Variants in FKBP5 observed in about 807,000 individuals in gnomAD.
FKBP5 encodes the protein FKBP prolyl isomerase 5.
Under a neutral mutation model 50.5 loss-of-function variants are expected in FKBP5, and 23 were observed. The ratio of observed to expected loss-of-function variants is 0.46; its 90% confidence interval spans 0.33 to 0.65. FKBP5 has a LOEUF of 0.65. Among genes scored for constraint, FKBP5 ranks in the 30% least tolerant of loss-of-function variants. The pLI, the probability that FKBP5 is intolerant of heterozygous loss-of-function variation, is 0.02. For synonymous variants in FKBP5, 176 were observed against 190.6 expected (o/e 0.92, Z 0.63); for missense variants, 411 against 553.1 (o/e 0.74, Z 2.58).
chr6:35,616,145 T>C (rs1446095740), intron 5 of FKBP5, among the ~76,000 whole-genome samples: 2 of 151,842 alleles, frequency 1.3e-5, no homozygotes, highest in Non-Finnish European at 2.9e-5. Context: ...AGAAACCCTG[T>C]CTCTAATAAA....
rs548266503 is a variant in FKBP5 at position 35,594,390 on chromosome 6, T to A, written c.665+2858A>T. Among the ~76,000 whole-genome samples, 12 of 152,084 alleles carry A rather than the reference T, an allele frequency of 7.9e-5. No homozygotes were observed. In the East Asian group the frequency reaches 2.3e-3, roughly 29 times the overall value. ...AGAAAACATTCTTCCCGAGAGTCTA[T>A]CAGAGTATCAGAGTCACAGAGAAGG... On this transcript the variant is annotated intron_variant, in intron 6 of 10. Transcript: ENST00000357266.
chr6:35,587,257 A>C, intron 7 of FKBP5, 140 bp from the exon 8 acceptor site: 1 of 741,860 alleles, frequency 1.3e-6, no homozygotes, highest in East Asian at 2.5e-5. Context: ...TGTCAGTGCC[A>C]ATTTACTGCT....
intron 3 of FKBP5, among the ~76,000 whole-genome samples, chr6:35,622,885 G>T (rs1490753220): frequency 6.6e-6 from 1 of 152,144 alleles, no homozygotes; most frequent in African/African-American, 2.4e-5. Context: ...TCTGTGCTTA[G>T]TCTCCTCACC....
intron 3 of FKBP5, among the ~76,000 whole-genome samples, chr6:35,621,582 C>T (rs1763842581): frequency 6.7e-6 from 1 of 149,168 alleles, no homozygotes; most frequent in Non-Finnish European, 1.5e-5. Context: ...CATGCCACTG[C>T]ACTCCAGCCT....
chr6:35,642,677 G>T, intron 2 of FKBP5, 43 bp downstream of exon 2: 1 of 1,479,966 alleles, frequency 6.8e-7, no homozygotes, highest in South Asian at 1.2e-5. Flanking sequence ...AATCTTTCCA[G>T]ACAGCAGGTT....
intron 1 of FKBP5, among the ~76,000 whole-genome samples, chr6:35,676,119 G>A (rs1042713541): frequency 6.6e-5 from 10 of 152,160 alleles, no homozygotes; most frequent in African/African-American, 2.4e-4. Flanking sequence ...TGACGTCATA[G>A]TGTAAAGCAA....
At chr6:35,631,788 C>G (rs555872970) in intron 3 of FKBP5, among the ~76,000 whole-genome samples, 1 of 152,028 alleles carries the variant, frequency 6.6e-6, no homozygotes. Context: ...AACCCCATCT[C>G]TACTAAAAAT....
At position 35,588,464 on chromosome 6, in the gene FKBP5, C is replaced by CAAAG. The variant is rs1433263777; in HGVS notation, c.757-1351_757-1348dup. On this transcript the variant is annotated intron_variant, in intron 7 of 10. Transcript: ENST00000357266. ...GGTTTTAGCACCCAAAAAACAAAAA[C>CAAAG]AAAGAACACCTAGTTAATAAGTCTC... 3.9e-5 allele frequency among the ~76,000 whole-genome samples: 6 copies of CAAAG among 152,240 alleles called. 1 individual carries two copies. In the South Asian group the frequency reaches 8.3e-4, roughly 21 times the overall value.
At chr6:35,669,287 C>T (rs1302872303) in intron 1 of FKBP5, among the ~76,000 whole-genome samples, 1 of 152,172 alleles carries the variant, frequency 6.6e-6, no homozygotes, top group African/African-American at 2.4e-5. Context: ...ATTGATGTGC[C>T]AGCTGTTTTG....
intron 8 of FKBP5, chr6:35,581,725 G>T: frequency 1.0e-6 from 1 of 985,456 alleles, no homozygotes; most frequent in South Asian, 4.7e-5. Flanking sequence ...TACAAGTGGG[G>T]ATTCTCCTTT....
intron 2 of FKBP5, among the ~76,000 whole-genome samples, chr6:35,698,343 AAAAT>A (rs1316331585): frequency 3.3e-5 from 5 of 151,686 alleles, no homozygotes; most frequent in African/African-American, 9.7e-5. Context: ...ACTCCATCTT[AAAAT>A]AAATAAATAA....
At chr6:35,614,500 AGT>A (rs1763584393) in intron 5 of FKBP5, among the ~76,000 whole-genome samples, 6 of 152,142 alleles carry the variant, frequency 3.9e-5, no homozygotes, top group African/African-American at 1.4e-4. Flanking sequence ...GTTACAATTG[AGT>A]AACATAATCA....
At chr6:35,669,182 G>A (rs903142243) in intron 1 of FKBP5, among the ~76,000 whole-genome samples, 8 of 152,080 alleles carry the variant, frequency 5.3e-5, no homozygotes, top group Admixed American at 6.5e-5. Context: ...ACTGAAATAG[G>A]CTATCCTGTA....
At chr6:35,695,869 G>T (rs1230045693) in intron 2 of FKBP5, among the ~76,000 whole-genome samples, 3 of 152,136 alleles carry the variant, frequency 2.0e-5, no homozygotes, top group African/African-American at 7.2e-5. Context: ...TTTAGGCCGG[G>T]CGTGGTGGCT....
Position 35,655,975 on chromosome 6 carries a change from C to T in FKBP5, c.-19-13132G>A, listed in dbSNP as rs1313167020. 2.6e-5 allele frequency among the ~76,000 whole-genome samples: 4 copies of T among 152,144 alleles called. No homozygotes were observed. The East Asian group carries it at 7.7e-4, about 29-fold the overall frequency. ...GACAGTCAAGAACAAAGGACCACAC[C>T]TAGCTGCCAATATTTGAGTATACAT... On this transcript the variant is annotated intron_variant, in intron 1 of 10. Coordinates refer to ENST00000357266, the MANE Select transcript of FKBP5 (RefSeq NM_004117.4).
chr6:35,640,926 T>C (rs1201479845), intron 2 of FKBP5, among the ~76,000 whole-genome samples: 1 of 152,188 alleles, frequency 6.6e-6, no homozygotes, highest in East Asian at 1.9e-4. Context: ...TCTCCTATAA[T>C]AACAATGCCT....
chr6:35,705,647 G>A (rs866204544), intron 2 of FKBP5, among the ~76,000 whole-genome samples: 1 of 152,072 alleles, frequency 6.6e-6, no homozygotes, highest in African/African-American at 2.4e-5. Context: ...ACATTTCAGA[G>A]CAGTGAGGAA....
At position 35,666,451 on chromosome 6, in the gene FKBP5, A is replaced by ATTATACATCTCT. The variant is rs1765225626; in HGVS notation, c.-20+22341_-20+22352dup. Among the ~76,000 whole-genome samples, 6 of 140,368 alleles carry ATTATACATCTCT rather than the reference A, an allele frequency of 4.3e-5. No individual in the cohort carries two copies. In the Admixed American group the frequency reaches 4.6e-4, roughly 11 times the overall value. The allele number at this position is 140,368 out of a possible 152,430, so 92.1% of individuals were successfully genotyped here. ...GAGTGGATTTCCTTCATAGACTTCT[A>ATTATACATCTCT]TTATACATCTCTACAATGGAAAATT... is the stretch of plus-strand genomic sequence containing the variant. On this transcript the variant is annotated intron_variant, in intron 1 of 10. Coordinates refer to ENST00000357266, the MANE Select transcript of FKBP5 (RefSeq NM_004117.4).
At chr6:35,595,211 C>T (rs1055590756) in intron 6 of FKBP5, among the ~76,000 whole-genome samples, 1 of 152,160 alleles carries the variant, frequency 6.6e-6, no homozygotes, top group African/African-American at 2.4e-5. Flanking sequence ...GAACTGTTTG[C>T]GTTAAAAAAT....
Sources: allele counts gnomAD v4.1 joint callset (sites outside exome capture counted in the v4.1 genomes callset), GRCh38; gene constraint gnomAD v4.1.1; transcripts MANE v1.5; gene names NCBI Gene and HGNC (gene_info 2026-07-23, HGNC 2026-07-21).